M1AP: variants seen among roughly 807,000 people sequenced by gnomAD.
The protein encoded by M1AP is meiosis 1 associated protein, also known as meiosis 1 arrest protein.
Under a neutral mutation model 51.2 loss-of-function variants are expected in M1AP, and 39 were observed. That is an observed-to-expected ratio of 0.76 (90% confidence interval 0.59 to 1.00). M1AP has a LOEUF of 1.00. M1AP is among the 50% of genes least tolerant of loss of function. M1AP has a pLI of 0.00. For missense variants in M1AP, 545 were observed against 641.2 expected (o/e 0.85, Z 1.62); for synonymous variants, 251 against 249.2 (o/e 1.01, Z -0.07).
chr2:74,564,204 A>C (rs1249952342), intron 7 of M1AP, among the ~76,000 whole-genome samples: 1 of 152,244 alleles, frequency 6.6e-6, no homozygotes, highest in African/African-American at 2.4e-5. Flanking sequence ...CACTTGCTGT[A>C]GCATGAGAGT....
At chr2:74,604,657 C>T (rs755269781) in intron 4 of M1AP, among the ~76,000 whole-genome samples, 5 of 152,126 alleles carry the variant, frequency 3.3e-5, no homozygotes, top group Non-Finnish European at 5.9e-5. Context: ...GTCCATGGCC[C>T]GGGGGTTGGA....
chr2:74,590,469 C>G (rs992076101), intron 4 of M1AP, among the ~76,000 whole-genome samples: 2 of 152,106 alleles, frequency 1.3e-5, no homozygotes, highest in African/African-American at 4.8e-5. Flanking sequence ...AACATTCAGA[C>G]CATAGCAGAC....
chr2:74,575,111 C>T (rs1156493119), intron 7 of M1AP: 1 of 168,328 alleles, frequency 5.9e-6, no homozygotes, highest in African/African-American at 2.4e-5. Context: ...TTAAATGAAC[C>T]ATAACGTCTA....
chr2:74,634,135 T>C (rs549336756), intron 2 of M1AP, among the ~76,000 whole-genome samples: 2 of 152,334 alleles, frequency 1.3e-5, no homozygotes, highest in South Asian at 4.1e-4. Context: ...ACACTTAGCA[T>C]GATGCCATGT....
chr2:74,644,232 A>G (rs76018664), intron 1 of M1AP, among the ~76,000 whole-genome samples: 3,253 of 152,328 alleles, frequency 0.021, 108 homozygotes, highest in African/African-American at 0.074. Context: ...TAGAATCTTT[A>G]AAAATGATCT....
At chr2:74,628,849 G>C in intron 2 of M1AP, 1 of 436,798 alleles carries the variant, frequency 2.3e-6, no homozygotes, top group African/African-American at 2.0e-5. Context: ...CTGAATATCT[G>C]ATTTTTGGAT....
intron 4 of M1AP, among the ~76,000 whole-genome samples, chr2:74,587,684 G>T (rs764711975): frequency 6.6e-6 from 1 of 152,160 alleles, no homozygotes; most frequent in Non-Finnish European, 1.5e-5. Flanking sequence ...TGGCTGGGGA[G>T]CAGGGTACCC....
At chr2:74,604,959 C>T (rs1017464883) in intron 4 of M1AP, among the ~76,000 whole-genome samples, 10 of 152,180 alleles carry the variant, frequency 6.6e-5, no homozygotes, top group African/African-American at 2.2e-4. Context: ...CCTGTAATCC[C>T]AGCACTTTGG....
At chr2:74,648,117 T>A in intron 1 of M1AP, 148 bp downstream of exon 1, 3 of 981,170 alleles carry the variant, frequency 3.1e-6, no homozygotes, top group Non-Finnish European at 3.6e-6. Flanking sequence ...TCTCTCGGCG[T>A]CAGTCTTGCG....
intron 9 of M1AP, 125 bp from the exon 10 acceptor site, chr2:74,559,834 C>T (rs1677782826): frequency 7.3e-6 from 5 of 685,394 alleles, no homozygotes; most frequent in Non-Finnish European, 1.4e-5. Context: ...TTTCCTTCAG[C>T]CTTTTCTTTC....
chr2:74,568,319 T>C (rs1678518148), intron 7 of M1AP, among the ~76,000 whole-genome samples: 1 of 152,242 alleles, frequency 6.6e-6, no homozygotes, highest in Non-Finnish European at 1.5e-5. Context: ...TTCTCCTGCC[T>C]AGAACAATCG....
intron 2 of M1AP, chr2:74,618,836 C>G: frequency 2.3e-6 from 1 of 439,030 alleles, no homozygotes; most frequent in Non-Finnish European, 4.5e-6. Context: ...TCCCTCTTAT[C>G]CCATCTGGTT....
At position 74,615,540 on chromosome 2, in the gene M1AP, G is replaced by A. The variant is rs139031125; in HGVS notation, c.241-391C>T. ...TTCTTAGTCAGTCTAGGCACCAAAA[G>A]CTTCTCTACTTAAAAATGAGGTTTT... is the stretch of plus-strand genomic sequence containing the variant. On this transcript the variant is annotated intron_variant, in intron 2 of 10. Coordinates refer to ENST00000421985, the MANE Select transcript of M1AP (RefSeq NM_001321739.2). 61 of 186,138 alleles carry A rather than the reference G, an allele frequency of 3.3e-4. No individual in the cohort carries two copies. In the East Asian group the frequency reaches 7.3e-3, roughly 22 times the overall value. The allele number at this position is 186,138 out of a possible 1,614,324, so 11.5% of individuals were successfully genotyped here. A position where few individuals can be genotyped will look rare whatever the true frequency, so the allele number is the denominator to read the frequency against.
chr2:74,589,333 A>G lies in M1AP; in HGVS notation c.596-7486T>C, dbSNP rs965982149. Among the ~76,000 whole-genome samples the G allele has an allele frequency of 5.3e-5, 8 of 151,964 alleles. 1 individual carries two copies. The highest frequency in any genetic ancestry group is 1.9e-4 in the African/African-American group (8 of 41,330). ...ATAAGCTGCTGGGGTGAAGGACAAGACCCCCAAAGTGGCACACTCATGTAT... is the reference window on the plus strand; with the variant it reads ...ATAAGCTGCTGGGGTGAAGGACAAGGCCCCCAAAGTGGCACACTCATGTAT... On this transcript the variant is annotated intron_variant, in intron 4 of 10. Coordinates refer to ENST00000421985, the MANE Select transcript of M1AP (RefSeq NM_001321739.2).
chr2:74,575,205 T>A, intron 7 of M1AP: 1 of 770,764 alleles, frequency 1.3e-6, no homozygotes, highest in South Asian at 5.9e-5. Context: ...AGCTTGCCAA[T>A]CGGGGATTTT....
intron 4 of M1AP, among the ~76,000 whole-genome samples, chr2:74,606,527 AGTT>A (rs1681010102): frequency 6.6e-6 from 1 of 152,058 alleles, no homozygotes; most frequent in African/African-American, 2.4e-5. Flanking sequence ...TCAGTAAATT[AGTT>A]GTGTATGTGT....
intron 1 of M1AP, among the ~76,000 whole-genome samples, 199 bp from the exon 2 acceptor site, chr2:74,640,526 T>A (rs1320472752): frequency 6.7e-6 from 1 of 149,946 alleles, no homozygotes; most frequent in Non-Finnish European, 1.5e-5. Flanking sequence ...AGTGGTGCGA[T>A]CTTGGCTCAC....
chr2:74,606,547 G>T (rs1046858678), intron 4 of M1AP, among the ~76,000 whole-genome samples: 1 of 151,932 alleles, frequency 6.6e-6, no homozygotes, highest in South Asian at 2.1e-4. Flanking sequence ...GTGTATATAT[G>T]TATCTATAAA....
intron 4 of M1AP, among the ~76,000 whole-genome samples, chr2:74,592,078 C>T (rs1024055091): frequency 9.9e-5 from 15 of 152,026 alleles, no homozygotes; most frequent in African/African-American, 3.6e-4. Context: ...GCTGGGATTA[C>T]AGGCATAAGT....
Sources: gnomAD v4.1 joint callset for allele counts (sites outside exome capture counted in the v4.1 genomes callset) on GRCh38, gnomAD v4.1.1 for gene constraint, MANE v1.5 for transcripts, NCBI Gene and HGNC (gene_info 2026-07-23, HGNC 2026-07-21) for gene names.